The following ASAP1 variants were observed in gnomAD, a reference collection of about 807,000 sequenced individuals.
The protein encoded by ASAP1 is ArfGAP with SH3 domain, ankyrin repeat and PH domain 1.
A neutral mutation model predicts 145.2 loss-of-function variants in ASAP1; 43 were observed. That is an observed-to-expected ratio of 0.30 (90% CI 0.23 to 0.38). The LOEUF (loss-of-function observed/expected upper bound fraction) is 0.38, where lower values mean the gene tolerates loss of function less well. Ranked by LOEUF, ASAP1 falls within the 10% of genes least tolerant of loss-of-function variation. The pLI is 1.00. For missense variants in ASAP1, 1,018 were observed against 1,355.3 expected, an observed-to-expected ratio of 0.75 and a Z score of 3.91; for synonymous variants, 546 against 515.5, an observed-to-expected ratio of 1.06 and a Z score of -0.80.
chr8:130,198,497 C>T (rs940236255), intron 5 of ASAP1, among the ~76,000 whole-genome samples: 2 of 152,126 alleles, frequency 1.3e-5, no homozygotes, highest in African/African-American at 4.8e-5. Flanking sequence ...GCCTCGTCTG[C>T]AAGGCAGTCT....
At chr8:130,058,604 C>A (rs2097409845) in intron 28 of ASAP1, among the ~76,000 whole-genome samples, 1 of 152,320 alleles carries the variant, frequency 6.6e-6, no homozygotes, top group East Asian at 1.9e-4. Flanking sequence ...GAAGTCTATG[C>A]AGTTCCTAAA....
intron 11 of ASAP1, among the ~76,000 whole-genome samples, chr8:130,166,108 A>G (rs2097679330): frequency 6.6e-6 from 1 of 151,990 alleles, no homozygotes; most frequent in African/African-American, 2.4e-5. Flanking sequence ...TACAGCCTCC[A>G]CTTCCTGGGC....
chr8:130,147,416 G>A (rs2097634490), intron 13 of ASAP1, among the ~76,000 whole-genome samples: 2 of 152,030 alleles, frequency 1.3e-5, no homozygotes, highest in Non-Finnish European at 2.9e-5. Context: ...ATTTTATTTA[G>A]ATGGAAAATC....
intron 3 of ASAP1, among the ~76,000 whole-genome samples, chr8:130,305,263 A>G (rs1021006132): frequency 1.3e-5 from 2 of 152,200 alleles, no homozygotes; most frequent in Admixed American, 1.3e-4. Flanking sequence ...AATTCAATGC[A>G]CATACTTCTT....
chr8:130,081,380 C>T lies in ASAP1; in HGVS notation c.2573-1409G>A, dbSNP rs145162905. ...GCTGCAGGCACCCAGGAGGATTCCC[C>T]GGGACCCTGCATGGGCACCCTGTCT... is the stretch of plus-strand genomic sequence containing the variant. On this transcript the variant is annotated intron_variant, in intron 25 of 29. Coordinates refer to ENST00000518721, the MANE Select transcript of ASAP1 (RefSeq NM_018482.4). Among the ~76,000 whole-genome samples the T allele has an allele frequency of 2.9e-3, 436 of 152,302 alleles. 1 individual carries two copies. The highest frequency in any genetic ancestry group is 0.01 in the African/African-American group (420 of 41,552).
chr8:130,310,149 G>T, intron 3 of ASAP1, among the ~76,000 whole-genome samples: 1 of 139,660 alleles, frequency 7.2e-6, no homozygotes, highest in South Asian at 2.4e-4. Context: ...GGGGGGGGGA[G>T]GGGGGTGAGG....
chr8:130,146,355 C>G (rs2097630314), intron 13 of ASAP1, among the ~76,000 whole-genome samples: 1 of 152,152 alleles, frequency 6.6e-6, no homozygotes, highest in African/African-American at 2.4e-5. Context: ...TCTGTATATG[C>G]TAAGGACCAA....
chr8:130,278,906 C>T (rs187165073), intron 3 of ASAP1, among the ~76,000 whole-genome samples: 1 of 152,230 alleles, frequency 6.6e-6, no homozygotes, highest in Admixed American at 6.5e-5. Flanking sequence ...GAGTGTTAGG[C>T]ATGTTTACAA....
At chr8:130,369,021 G>A (rs1237191016) in intron 2 of ASAP1, among the ~76,000 whole-genome samples, 2 of 152,176 alleles carry the variant, frequency 1.3e-5, no homozygotes, top group South Asian at 2.1e-4. Context: ...CACTGCCTTA[G>A]GGCCTCAGCT....
intron 4 of ASAP1, among the ~76,000 whole-genome samples, chr8:130,226,384 T>C (rs559188364): frequency 6.6e-6 from 1 of 152,348 alleles, no homozygotes; most frequent in Non-Finnish European, 1.5e-5. Context: ...ATGAGCAAAT[T>C]ATTTCACTTC....
chr8:130,269,410 G>C (rs921144686), intron 3 of ASAP1, among the ~76,000 whole-genome samples: 21 of 152,218 alleles, frequency 1.4e-4, no homozygotes, highest in African/African-American at 4.1e-4. Context: ...ATTGTTAGCA[G>C]GATGTCCTGA....
At chr8:130,415,337 A>G (rs7817038) in intron 1 of ASAP1, among the ~76,000 whole-genome samples, 11,729 of 152,136 alleles carry the variant, frequency 0.077, 533 homozygotes, top group Middle Eastern at 0.11. Flanking sequence ...GTGTGGTGGT[A>G]TACACCTATA....
chr8:130,197,795 G>A (rs562806599), intron 5 of ASAP1, among the ~76,000 whole-genome samples: 33 of 152,280 alleles, frequency 2.2e-4, no homozygotes, highest in Admixed American at 2.1e-3. Flanking sequence ...CCAAGTCCCC[G>A]GCCCGAACTG....
intron 3 of ASAP1, among the ~76,000 whole-genome samples, chr8:130,248,766 A>C (rs1819012219): frequency 6.6e-6 from 1 of 152,092 alleles, no homozygotes; most frequent in African/African-American, 2.4e-5. Flanking sequence ...CCCCAAACTC[A>C]AGGCTTCCTC....
At chr8:130,254,663 C>A (rs950899997) in intron 3 of ASAP1, among the ~76,000 whole-genome samples, 1 of 152,090 alleles carries the variant, frequency 6.6e-6, no homozygotes, top group African/African-American at 2.4e-5. Flanking sequence ...TAAATTATGA[C>A]CCTTATGTAA....
At chr8:130,115,527 A>C in intron 23 of ASAP1, 101 bp downstream of exon 23, 31 of 924,866 alleles carry the variant, frequency 3.4e-5, no homozygotes, top group Middle Eastern at 2.2e-4. Context: ...ATTGGATCAT[A>C]AAACCACAAT....
rs1301077881 is a variant in ASAP1, at chr8:130,443,547, G to T, written c.-115C>A. On this transcript the variant is annotated 5_prime_UTR_variant, in exon 1 of 30. Transcript: ENST00000518721. Reference sequence around the variant, plus strand: ...CGGGTGGGAAAGCGAACTGCGACCGGGAAGCGCCGGCTGGGCGGGAGGCGC... The same window carrying T: ...CGGGTGGGAAAGCGAACTGCGACCGTGAAGCGCCGGCTGGGCGGGAGGCGC... 1 of 150,938 alleles carries T rather than the reference G, an allele frequency of 6.6e-6. No homozygotes were observed. The highest frequency in any genetic ancestry group is 1.5e-5 in the Non-Finnish European group (1 of 67,676). The allele number at this position is 150,938 out of a possible 1,614,324, so 9.3% of individuals were successfully genotyped here.
At chr8:130,244,409 T>C (rs534943310) in intron 3 of ASAP1, among the ~76,000 whole-genome samples, 30 of 152,302 alleles carry the variant, frequency 2.0e-4, no homozygotes, top group South Asian at 4.1e-4. Context: ...TCCTGGAGAC[T>C]GTGCAAGAAT....
At chr8:130,298,115 T>A (rs534644310) in intron 3 of ASAP1, among the ~76,000 whole-genome samples, 1 of 152,298 alleles carries the variant, frequency 6.6e-6, no homozygotes, top group African/African-American at 2.4e-5. Context: ...ATTTTTGGCC[T>A]CTAGGGTGCA....
Sources: allele counts gnomAD v4.1 joint callset (sites outside exome capture counted in the v4.1 genomes callset), GRCh38; gene constraint gnomAD v4.1.1; transcripts MANE v1.5; gene names NCBI Gene and HGNC (gene_info 2026-07-23, HGNC 2026-07-21).